Variants in GALNT11 observed in about 807,000 individuals in gnomAD.
The protein encoded by GALNT11 is polypeptide N-acetylgalactosaminyltransferase 11, also known as UDP-GalNAc:polypeptide N-acetylgalactosaminyltransferase 11.
A neutral mutation model predicts 72.7 loss-of-function variants in GALNT11; 47 were observed. That is an observed-to-expected ratio of 0.65 (90% CI 0.51 to 0.82). GALNT11 has a LOEUF of 0.82. Ranked by LOEUF, GALNT11 falls within the 40% of genes least tolerant of loss-of-function variation. GALNT11 has a pLI of 0.00. For synonymous variants in GALNT11, 270 were observed against 286.6 expected, an observed-to-expected ratio of 0.94 and a Z score of 0.58; for missense variants, 677 against 778.4, an observed-to-expected ratio of 0.87 and a Z score of 1.55.
intron 1 of GALNT11, among the ~76,000 whole-genome samples, chr7:152,071,921 A>G (rs1176209739): frequency 6.6e-6 from 1 of 151,756 alleles, no homozygotes; most frequent in East Asian, 1.9e-4. Context: ...AGGCAGGAGA[A>G]TCACTTAAAC....
chr7:152,094,368 C>T lies in GALNT11; in HGVS notation c.141C>T (p.Pro47=), dbSNP rs770013632. ...ATGTGCCCGTCAAGGGGTCTGGGCCCCACGGACCATCTCCAAAAAAATTCT... is the reference window on the plus strand; with the variant it reads ...ATGTGCCCGTCAAGGGGTCTGGGCCTCACGGACCATCTCCAAAAAAATTCT... ...LKNVPVKGSG[P]HGPSPKKFYP... Residue 47 remains proline (P), a synonymous_variant, in exon 2 of 12, where the codon CCC becomes CCT. Coordinates refer to ENST00000430044, the MANE Select transcript of GALNT11 (RefSeq NM_022087.4). This position sits in a 1 kb window ranked among gnomAD's most constrained non-coding sequence, Gnocchi z 4.3. 5.6e-6 allele frequency: 9 copies of T among 1,613,958 alleles called. No individual in the cohort carries two copies. Among genetic ancestry groups the T allele is most frequent in the Admixed American group, 1.7e-5 (1 of 59,986 alleles).
At chr7:152,118,604 C>A in intron 9 of GALNT11, 74 bp from the exon 10 acceptor site, 1 of 1,360,122 alleles carries the variant, frequency 7.4e-7, no homozygotes, top group Non-Finnish European at 1.0e-6. Flanking sequence ...CACATTTTGC[C>A]TGGAACCACC....
intron 2 of GALNT11, among the ~76,000 whole-genome samples, chr7:152,098,411 C>A (rs1212457137): frequency 1.3e-5 from 2 of 151,660 alleles, no homozygotes; most frequent in Non-Finnish European, 1.5e-5. Context: ...GGGGACAGAG[C>A]AAGACCCTGT....
intron 1 of GALNT11, among the ~76,000 whole-genome samples, chr7:152,038,001 C>T (rs769821599): frequency 6.6e-6 from 1 of 152,122 alleles, no homozygotes; most frequent in Admixed American, 6.5e-5. Flanking sequence ...AACTCCTGAC[C>T]TCAGGTGAGC....
At chr7:152,059,301 T>A (rs1158288743) in intron 1 of GALNT11, among the ~76,000 whole-genome samples, 1 of 151,754 alleles carries the variant, frequency 6.6e-6, no homozygotes, top group Non-Finnish European at 1.5e-5. Context: ...TGGGTCTCAC[T>A]CTGTTGTCCA....
intron 1 of GALNT11, among the ~76,000 whole-genome samples, chr7:152,053,189 C>T (rs1023115349): frequency 6.6e-5 from 10 of 152,176 alleles, no homozygotes; most frequent in African/African-American, 1.7e-4. Context: ...TGCTTAAAGA[C>T]AATACCCTTT....
chr7:152,121,458 C>T, intron 11 of GALNT11, 88 bp from the exon 12 acceptor site: 1 of 1,501,636 alleles, frequency 6.7e-7, no homozygotes, highest in East Asian at 2.3e-5. Context: ...ATCCCTTAAT[C>T]TGAATTCTTA....
chr7:152,034,465 G>A (rs558570660), intron 1 of GALNT11, among the ~76,000 whole-genome samples: 194 of 152,218 alleles, frequency 1.3e-3, no homozygotes, highest in Non-Finnish European at 2.1e-3. Flanking sequence ...GCCATAGTGC[G>A]GTAAAAATGA....
rs1197246741 is a variant in GALNT11 at position 152,121,873 on chromosome 7, G to A, written c.*196G>A. 6 of 574,896 alleles carry A rather than the reference G, an allele frequency of 1.0e-5. No homozygotes were observed. The highest frequency in any genetic ancestry group is 5.2e-5 in the South Asian group (2 of 38,770). The allele number at this position is 574,896 out of a possible 1,614,324, so 35.6% of individuals were successfully genotyped here. ...AGAGACGGGAGCTCTGAGTGTCCAC[G>A]GGTGAAGAAGTGAGTGTCCACGGGT... On this transcript the variant is annotated 3_prime_UTR_variant, in exon 12 of 12. Coordinates refer to ENST00000430044, the MANE Select transcript of GALNT11 (RefSeq NM_022087.4).
chr7:152,047,605 G>A (rs1334901407), intron 1 of GALNT11, among the ~76,000 whole-genome samples: 2 of 152,142 alleles, frequency 1.3e-5, no homozygotes, highest in East Asian at 1.9e-4. Flanking sequence ...GCTGAGGTAT[G>A]AGGATTGCTT....
chr7:152,087,889 A>G (rs1179594094), intron 1 of GALNT11, among the ~76,000 whole-genome samples: 1 of 152,222 alleles, frequency 6.6e-6, no homozygotes, highest in Non-Finnish European at 1.5e-5. Context: ...AATACAGTTG[A>G]TGAAAATGAG....
rs754959805 is a variant in GALNT11, at chr7:152,108,054, C to T, written c.729C>T (p.Phe243=). ...AAHATGEVLV[F]LDSHCEVNVM... is the part of the protein sequence containing the mutation. ...CCTCCCCAGGAGAAGTCCTTGTGTT[C>T]CTGGACAGCCACTGTGAAGTGAATG... The change falls in exon 6 of 12, where the codon TTC becomes TTT. Residue 243 remains phenylalanine, a synonymous_variant. Transcript: ENST00000430044. 16 of 1,610,646 alleles carry T rather than the reference C, an allele frequency of 9.9e-6. No individual in the cohort carries two copies. Among genetic ancestry groups the T allele is most frequent in the Middle Eastern group, 3.3e-4 (2 of 6,006 alleles).
chr7:152,057,004 A>ATTTTTTTTTTTTTTTTTT (rs71198754), intron 1 of GALNT11, among the ~76,000 whole-genome samples: 2 of 74,928 alleles, frequency 2.7e-5, no homozygotes, highest in Non-Finnish European at 5.4e-5. Flanking sequence ...ATGCCCAGCT[A>ATTTTTTTTTTTTTTTTTT]TTTTTTTTTT....
intron 1 of GALNT11, among the ~76,000 whole-genome samples, chr7:152,055,849 A>G (rs1160232909): frequency 1.3e-5 from 2 of 152,222 alleles, no homozygotes; most frequent in South Asian, 2.1e-4. Context: ...GTAGATTCAC[A>G]TGTAATTATA....
chr7:152,093,586 C>G (rs1203113439), intron 1 of GALNT11, among the ~76,000 whole-genome samples: 1 of 151,852 alleles, frequency 6.6e-6, no homozygotes. Flanking sequence ...CCACCACAAC[C>G]CTCAGCTAAT....
At chr7:152,112,502 A>G (rs1250209746) in intron 7 of GALNT11, among the ~76,000 whole-genome samples, 1 of 151,732 alleles carries the variant, frequency 6.6e-6, no homozygotes, top group Non-Finnish European at 1.5e-5. Context: ...GCGCCACTGC[A>G]CTCTAGCCGG....
intron 1 of GALNT11, among the ~76,000 whole-genome samples, chr7:152,065,761 T>G (rs1291162000): frequency 6.6e-6 from 1 of 152,206 alleles, no homozygotes; most frequent in Non-Finnish European, 1.5e-5. Flanking sequence ...CAGCAAATAT[T>G]GATGAACAGT....
At chr7:152,059,912 A>G (rs528113413) in intron 1 of GALNT11, among the ~76,000 whole-genome samples, 6 of 152,322 alleles carry the variant, frequency 3.9e-5, no homozygotes, top group African/African-American at 1.2e-4. Flanking sequence ...GAGTCACCCT[A>G]TTTGGAAGCC....
At chr7:152,113,712 C>CTTTTTTTTTTTTTTTTTTTTTTTTTTTTT in intron 8 of GALNT11, among the ~76,000 whole-genome samples, 2 of 97,028 alleles carry the variant, frequency 2.1e-5, no homozygotes, top group South Asian at 3.1e-4. Flanking sequence ...AGTTGGCTTT[C>CTTTTTTTTTTTTTTTTTTTTTTTTTTTTT]TTTTTTTTTT....
Sources: gnomAD v4.1 joint callset for allele counts (sites outside exome capture counted in the v4.1 genomes callset) on GRCh38, gnomAD v4.1.1 for gene constraint, Gnocchi (gnomAD v3.1) non-coding constraint, MANE v1.5 for transcripts, NCBI Gene and HGNC (gene_info 2026-07-23, HGNC 2026-07-21) for gene names.